ROR2: variants seen among roughly 807,000 people sequenced by gnomAD.
ROR2 encodes ROR family WNT receptor 2, also known as tyrosine-protein kinase transmembrane receptor ROR2.
ROR2 carries 33 observed loss-of-function variants against 74.9 expected under a neutral mutation model. The observed-to-expected ratio is 0.44, with a 90% CI of 0.33 to 0.59. ROR2 has a LOEUF of 0.59. Among genes scored for constraint, ROR2 ranks in the 20% least tolerant of loss-of-function variants. The pLI, the probability that ROR2 is intolerant of heterozygous loss-of-function variation, is 0.02. For synonymous variants in ROR2, 586 were observed against 558.7 expected (o/e 1.05, Z -0.69); for missense variants, 1,216 against 1,313.8 (o/e 0.93, Z 1.15).
At chr9:91,935,009 T>A (rs1444201695) in intron 1 of ROR2, among the ~76,000 whole-genome samples, 2 of 152,188 alleles carry the variant, frequency 1.3e-5, no homozygotes, top group Non-Finnish European at 2.9e-5. Context: ...ATAATTACGT[T>A]CTTGACAGCA....
At chr9:91,747,817 A>G (rs571149312) in intron 4 of ROR2, among the ~76,000 whole-genome samples, 1 of 152,336 alleles carries the variant, frequency 6.6e-6, no homozygotes, top group South Asian at 2.1e-4. Context: ...ATGGCTGCAG[A>G]AAGATGACAG....
intron 7 of ROR2, 53 bp downstream of exon 7, chr9:91,730,857 A>C (rs75661161): frequency 3.0e-5 from 48 of 1,612,290 alleles, no homozygotes; most frequent in Admixed American, 8.3e-5. Context: ...CGCCCTCATC[A>C]CAAGGTTCAC....
chr9:91,888,544 C>A (rs148550446), intron 1 of ROR2, among the ~76,000 whole-genome samples: 160 of 152,276 alleles, frequency 1.1e-3, no homozygotes, highest in African/African-American at 3.3e-3. Context: ...CTTAATGTCT[C>A]TGTCCTACCC....
chr9:91,940,000 T>C (rs1831805789), intron 1 of ROR2, among the ~76,000 whole-genome samples: 1 of 152,186 alleles, frequency 6.6e-6, no homozygotes, highest in South Asian at 2.1e-4. Context: ...AGAGACTCAG[T>C]GCCACTCCAA....
At chr9:91,920,002 A>G (rs1587847296) in intron 1 of ROR2, among the ~76,000 whole-genome samples, 1 of 152,058 alleles carries the variant, frequency 6.6e-6, no homozygotes, top group Admixed American at 6.6e-5. Context: ...GGCTCCCTTG[A>G]CCCCCTCAGA....
At chr9:91,911,137 C>A (rs549693954) in intron 1 of ROR2, among the ~76,000 whole-genome samples, 1 of 152,352 alleles carries the variant, frequency 6.6e-6, no homozygotes, top group East Asian at 1.9e-4. Context: ...ACTACCCCAC[C>A]ACCTGTTCCT....
chr9:91,760,852 A>G (rs1455280899), intron 2 of ROR2, among the ~76,000 whole-genome samples: 8 of 152,260 alleles, frequency 5.3e-5, no homozygotes, highest in African/African-American at 1.9e-4. Flanking sequence ...TATTCAGAAA[A>G]GCTTTGTAAT....
intron 1 of ROR2, among the ~76,000 whole-genome samples, chr9:91,863,692 T>C (rs1296742205): frequency 6.6e-6 from 1 of 152,030 alleles, no homozygotes; most frequent in Non-Finnish European, 1.5e-5. Flanking sequence ...ATATGAAATG[T>C]CCAGAATAGG....
chr9:91,747,204 C>A (rs1172571482), intron 4 of ROR2, among the ~76,000 whole-genome samples: 2 of 152,200 alleles, frequency 1.3e-5, no homozygotes, highest in Non-Finnish European at 2.9e-5. Context: ...TGTGGAGGCA[C>A]CGCCTTTTCT....
At chr9:91,840,555 G>A (rs1377745490) in intron 1 of ROR2, among the ~76,000 whole-genome samples, 2 of 152,238 alleles carry the variant, frequency 1.3e-5, no homozygotes, top group African/African-American at 4.8e-5. Flanking sequence ...CATGCAGCGA[G>A]GCTGGATCCC....
At chr9:91,911,933 CAAAAAAAA>C (rs747087662) in intron 1 of ROR2, among the ~76,000 whole-genome samples, 5 of 76,394 alleles carry the variant, frequency 6.5e-5, no homozygotes, top group African/African-American at 1.9e-4. Context: ...TGAGTCTAAG[CAAAAAAAA>C]AAAAAAAAAA....
chr9:91,908,017 G>T (rs1271800735), intron 1 of ROR2, among the ~76,000 whole-genome samples: 2 of 152,190 alleles, frequency 1.3e-5, no homozygotes, highest in African/African-American at 4.8e-5. Flanking sequence ...TAATTGTTGT[G>T]GGAAAGAACT....
chr9:91,839,448 A>G (rs954890793), intron 1 of ROR2, among the ~76,000 whole-genome samples: 1 of 146,482 alleles, frequency 6.8e-6, no homozygotes, highest in African/African-American at 2.5e-5. Context: ...TGGGGTGTCT[A>G]TGTGTGTGTG....
At chr9:91,775,969 G>A (rs1456073910) in intron 1 of ROR2, 151 bp from the exon 2 acceptor site, 1 of 716,530 alleles carries the variant, frequency 1.4e-6, no homozygotes, top group African/African-American at 1.8e-5. Flanking sequence ...AACCTCTAGA[G>A]GGATTTTATA....
intron 1 of ROR2, among the ~76,000 whole-genome samples, chr9:91,824,570 T>G (rs1828228019): frequency 6.6e-6 from 1 of 152,138 alleles, no homozygotes; most frequent in Admixed American, 6.5e-5. Context: ...AAAAATGTAG[T>G]AGGAAACAGA....
At chr9:91,871,739 C>A (rs144419436) in intron 1 of ROR2, among the ~76,000 whole-genome samples, 2 of 152,302 alleles carry the variant, frequency 1.3e-5, no homozygotes, top group East Asian at 3.9e-4. Context: ...CTGCCCTTAA[C>A]ACACTCCCTC....
chr9:91,833,296 C>CACT (rs1828522018), intron 1 of ROR2, among the ~76,000 whole-genome samples: 1 of 151,948 alleles, frequency 6.6e-6, no homozygotes, highest in Non-Finnish European at 1.5e-5. Context: ...CAGCGTCCTG[C>CACT]TCTGCACTTC....
chr9:91,803,512 G>A (rs1009638878), intron 1 of ROR2, among the ~76,000 whole-genome samples: 4 of 152,256 alleles, frequency 2.6e-5, no homozygotes, highest in African/African-American at 7.2e-5. Flanking sequence ...AAATGGTTAA[G>A]ATGCTAAATT....
chr9:91,835,197 T>C (rs766276906), intron 1 of ROR2, among the ~76,000 whole-genome samples: 1 of 152,042 alleles, frequency 6.6e-6, no homozygotes, highest in Non-Finnish European at 1.5e-5. Flanking sequence ...CCAAGGGTCC[T>C]GCACCAATCC....
Sources: allele counts gnomAD v4.1 joint callset (sites outside exome capture counted in the v4.1 genomes callset), GRCh38; gene constraint gnomAD v4.1.1; transcripts MANE v1.5; gene names NCBI Gene and HGNC (gene_info 2026-07-23, HGNC 2026-07-21).